Variants in GTF3C4 observed in about 807,000 individuals in gnomAD.
GTF3C4 encodes general transcription factor IIIC subunit 4.
Under a neutral mutation model 67.5 loss-of-function variants are expected in GTF3C4, and 28 were observed. The observed-to-expected ratio is 0.41, with a 90% confidence interval of 0.31 to 0.57. The LOEUF (loss-of-function observed/expected upper bound fraction) is 0.57. GTF3C4 is among the 20% of genes least tolerant of loss of function. The pLI is 0.21. For synonymous variants in GTF3C4, 409 were observed against 393.0 expected (o/e 1.04, Z -0.48); for missense variants, 831 against 1,033.2 (o/e 0.80, Z 2.68).
intron 1 of GTF3C4, among the ~76,000 whole-genome samples, chr9:132,674,091 C>T (rs1034046345): frequency 3.3e-5 from 5 of 152,184 alleles, no homozygotes; most frequent in Non-Finnish European, 7.4e-5. Flanking sequence ...TATTACCTGT[C>T]CTCAAGAAGC....
chr9:132,674,223 T>G (rs1483945730), intron 1 of GTF3C4, among the ~76,000 whole-genome samples: 1 of 152,218 alleles, frequency 6.6e-6, no homozygotes, highest in Non-Finnish European at 1.5e-5. Flanking sequence ...TGCACCAACC[T>G]AATAGTGGTC....
In GTF3C4 at chr9:132,670,821, G is replaced by T; in HGVS notation, c.223G>T (p.Asp75Tyr). ...SGLEPLAWSE[D>Y]HRVSVSTARS... Reference sequence around the variant, plus strand: ...CCTGGAACCGCTGGCTTGGTCCGAGGACCACCGCGTGTCTGTGTCCACGGC... The same window carrying T: ...CCTGGAACCGCTGGCTTGGTCCGAGTACCACCGCGTGTCTGTGTCCACGGC... The change falls in exon 1 of 5, where the codon GAC becomes TAC. Residue 75 changes from aspartate to tyrosine, a missense_variant. Asp to Tyr is a radical substitution (Grantham distance 160). Transcript: ENST00000372146. 6.2e-7 allele frequency: 1 copy of T among 1,607,552 alleles called. No homozygotes were observed.
chr9:132,675,429 T>C (rs941752153), intron 1 of GTF3C4, among the ~76,000 whole-genome samples: 1 of 152,204 alleles, frequency 6.6e-6, no homozygotes, highest in African/African-American at 2.4e-5. Flanking sequence ...GCAAGTTTCA[T>C]AGTGTATCCA....
At position 132,692,151 on chromosome 9, in the gene GTF3C4, CTCTCTTGCCTT is replaced by C. The variant is rs1383005563; in HGVS notation, c.*3209_*3219del. 2 of 152,206 alleles carry C rather than the reference CTCTCTTGCCTT, an allele frequency of 1.3e-5. No homozygotes were observed. The highest frequency in any genetic ancestry group is 2.9e-5 in the Non-Finnish European group (2 of 68,046). The allele number at this position is 152,206 out of a possible 1,614,324, so 9.4% of individuals were successfully genotyped here. On this transcript the variant is annotated 3_prime_UTR_variant, in exon 5 of 5. Coordinates refer to ENST00000372146, the MANE Select transcript of GTF3C4 (RefSeq NM_012204.4). ...TCCATCGTTTCTGCTCCTGACCTCT[CTCTCTTGCCTT>C]TCCTTCCCCCAGACACCCTCTTGGT...
In GTF3C4 at chr9:132,678,744, A is replaced by G; in HGVS notation, c.1125A>G (p.Lys375=). 2 of 1,613,916 alleles carry G rather than the reference A, an allele frequency of 1.2e-6. No homozygotes were observed. The highest frequency in any genetic ancestry group is 1.7e-6 in the Non-Finnish European group (2 of 1,179,764). The change falls in exon 2 of 5, where the codon AAA becomes AAG. Residue 375 remains lysine (K), a synonymous_variant. Coordinates refer to ENST00000372146, the MANE Select transcript of GTF3C4 (RefSeq NM_012204.4). This position sits in a 1 kb window ranked among gnomAD's most constrained non-coding sequence, Gnocchi z 6.5. ...EMDQLPVHSI[K]CVPLYHPYQK... ...ACCAGTTACCTGTGCACAGTATCAA[A>G]TGTGTGCCACTTTATCATCCTTACC...
At chr9:132,681,568 C>G (rs787472) in intron 2 of GTF3C4, among the ~76,000 whole-genome samples, 72,333 of 151,964 alleles carry the variant, frequency 0.48, 17,982 homozygotes, top group African/African-American at 0.61. Context: ...CACTCCCCCC[C>G]GAACATTTTT....
At position 132,689,454 on chromosome 9, in the gene GTF3C4, T is replaced by C. The variant is rs1414920489; in HGVS notation, c.*509T>C. 4 of 153,032 alleles carry C rather than the reference T, an allele frequency of 2.6e-5. No individual in the cohort carries two copies. The highest frequency in any genetic ancestry group is 9.6e-5 in the African/African-American group (4 of 41,466). 9.5% of individuals were successfully genotyped at this position (153,032 alleles called of 1,614,324 possible). On this transcript the variant is annotated 3_prime_UTR_variant, in exon 5 of 5. Coordinates refer to ENST00000372146, the MANE Select transcript of GTF3C4 (RefSeq NM_012204.4). ...TAAAGCAACACATGGGCTGATGTTT[T>C]GTTCTCAGAAAATAGCTGCTGGTCT...
chr9:132,671,405 G>A (rs530459258), intron 1 of GTF3C4, among the ~76,000 whole-genome samples: 2 of 152,240 alleles, frequency 1.3e-5, no homozygotes, highest in South Asian at 2.1e-4. Context: ...CTCCTCTCGC[G>A]CCTCTTTAGC....
rs780486394 is a variant in GTF3C4 at position 132,689,060 on chromosome 9, T to A, written c.*115T>A. On this transcript the variant is annotated 3_prime_UTR_variant, in exon 5 of 5. Coordinates refer to ENST00000372146, the MANE Select transcript of GTF3C4 (RefSeq NM_012204.4). Reference sequence around the variant, plus strand: ...CCGGACCCTCACGAGTGGAGAGAAGTCCTTGGTGATTGTAAAGAGGGCCCC... The same window carrying A: ...CCGGACCCTCACGAGTGGAGAGAAGACCTTGGTGATTGTAAAGAGGGCCCC... 1.2e-5 allele frequency: 9 copies of A among 749,958 alleles called. No individual in the cohort carries two copies. The East Asian group carries it at 1.8e-4, about 15-fold the overall frequency. The allele number at this position is 749,958 out of a possible 1,614,324, so 46.5% of individuals were successfully genotyped here.
Position 132,672,171 on chromosome 9 carries a change from A to G in GTF3C4, c.357+1216A>G, listed in dbSNP as rs532785573. ...AGATGCAACCCTATGAAATTGAGAA[A>G]TACAAAAGGAGGGAGGCAGAAGAAA... On this transcript the variant is annotated intron_variant, in intron 1 of 4. Coordinates refer to ENST00000372146, the MANE Select transcript of GTF3C4 (RefSeq NM_012204.4). 3.0e-4 allele frequency among the ~76,000 whole-genome samples: 45 copies of G among 152,362 alleles called. 1 individual carries two copies. In the South Asian group the frequency reaches 8.5e-3, roughly 29 times the overall value.
chr9:132,682,618 T>C (rs1020981240), intron 2 of GTF3C4, among the ~76,000 whole-genome samples: 8 of 147,714 alleles, frequency 5.4e-5, no homozygotes, highest in Admixed American at 2.0e-4. Flanking sequence ...TTTTTTTTTT[T>C]ACTGAGATGG....
Position 132,679,710 on chromosome 9 carries a change from G to A in GTF3C4, c.2091G>A (p.Leu697=), listed in dbSNP as rs989343416. Residue 697 remains leucine (L), a synonymous_variant, in exon 2 of 5, where the codon CTG becomes CTA. Transcript: ENST00000372146. This position sits in a 1 kb window ranked among gnomAD's most constrained non-coding sequence, Gnocchi z 5.9. Reference sequence around the variant, plus strand: ...AGCGAGTCTTAGGAGAAGTGTATCTGCACACCTGGATCACAGAAAACACTA... The same window carrying A: ...AGCGAGTCTTAGGAGAAGTGTATCTACACACCTGGATCACAGAAAACACTA... ...HMKRVLGEVY[L]HTWITENTSI... is the part of the protein sequence containing the mutation. 1.2e-6 allele frequency: 2 copies of A among 1,613,942 alleles called. No homozygotes were observed. Among genetic ancestry groups the A allele is most frequent in the Non-Finnish European group, 1.7e-6 (2 of 1,179,952 alleles).
rs1268571502 is a variant in GTF3C4 at position 132,692,539 on chromosome 9, AAAGT to A, written c.*3600_*3603del. On this transcript the variant is annotated 3_prime_UTR_variant, in exon 5 of 5. Coordinates refer to ENST00000372146, the MANE Select transcript of GTF3C4 (RefSeq NM_012204.4). ...AAGCTAAGCTGAATGGGTTATATTC[AAAGT>A]AAGTACAGACGGCAAATAGGCAGAC... is the stretch of plus-strand genomic sequence containing the variant. 6.6e-6 allele frequency: 1 copy of A among 152,230 alleles called. No individual in the cohort carries two copies. Among genetic ancestry groups the A allele is most frequent in the African/African-American group, 2.4e-5 (1 of 41,452 alleles). 9.4% of individuals were successfully genotyped at this position (152,230 alleles called of 1,614,324 possible). A position where few individuals can be genotyped will look rare whatever the true frequency, so the allele number is the denominator to read the frequency against.
At position 132,670,830 on chromosome 9, in the gene GTF3C4, G is replaced by A; in HGVS notation, c.232G>A (p.Val78Met). 1 of 1,609,330 alleles carries A rather than the reference G, an allele frequency of 6.2e-7. No homozygotes were observed. The highest frequency in any genetic ancestry group is 8.5e-7 in the Non-Finnish European group (1 of 1,179,410). ...GCTGGCTTGGTCCGAGGACCACCGC[G>A]TGTCTGTGTCCACGGCCCGCAGCAT... ...EPLAWSEDHR[V>M]SVSTARSIAV... Residue 78 changes from valine (V) to methionine (M), a missense_variant, in exon 1 of 5, where the codon GTG becomes ATG. By Grantham distance (21) the Val-to-Met change is conservative (BLOSUM62 1). Around this residue, in one of 4 missense-constraint regions of GTF3C4, gnomAD observed 237 missense variants for 212.7 expected, o/e 1.11. Transcript: ENST00000372146.
intron 4 of GTF3C4, 76 bp from the exon 5 acceptor site, chr9:132,688,805 C>T (rs1836068716): frequency 9.3e-7 from 1 of 1,071,692 alleles, no homozygotes; most frequent in Non-Finnish European, 1.5e-6. Flanking sequence ...TCTCTCAACG[C>T]TACAGTCCGG....
At chr9:132,681,480 G>A (rs1835942977) in intron 2 of GTF3C4, among the ~76,000 whole-genome samples, 1 of 152,164 alleles carries the variant, frequency 6.6e-6, no homozygotes, top group Non-Finnish European at 1.5e-5. Flanking sequence ...CTTATTAGCA[G>A]TTATAAATTA....
Position 132,670,545 on chromosome 9 carries a change from G to A in GTF3C4, c.-54G>A, listed in dbSNP as rs1835697248. On this transcript the variant is annotated 5_prime_UTR_variant, in exon 1 of 5. Coordinates refer to ENST00000372146, the MANE Select transcript of GTF3C4 (RefSeq NM_012204.4). ...GGGTGGCGGCGGCGGTCCGGGAGGTGGTCGCGCGACTGCGTGGAGCGCCAG... is the reference window on the plus strand; with the variant it reads ...GGGTGGCGGCGGCGGTCCGGGAGGTAGTCGCGCGACTGCGTGGAGCGCCAG... 5.4e-6 allele frequency: 7 copies of A among 1,293,566 alleles called. No homozygotes were observed. Among genetic ancestry groups the A allele is most frequent in the Admixed American group, 6.8e-5 (2 of 29,250 alleles). The allele number at this position is 1,293,566 out of a possible 1,614,324, so 80.1% of individuals were successfully genotyped here.
rs185360301 is a variant in GTF3C4, at chr9:132,671,008, C to G, written c.357+53C>G. 993 of 1,233,474 alleles carry G rather than the reference C, an allele frequency of 8.1e-4. 11 individuals are homozygous for G. The African/African-American group carries it at 0.013, about 16-fold the overall frequency. 76.4% of individuals were successfully genotyped at this position (1,233,474 alleles called of 1,614,324 possible). The stretch of plus-strand genomic sequence containing the variant: ...TCTTCCCCTGTCCCCCTCTCGCGGC[C>G]GCATCATCCGTCCCAGGGGAATCCG... On this transcript the variant is annotated intron_variant, in intron 1 of 4. Transcript: ENST00000372146.
intron 1 of GTF3C4, 40 bp downstream of exon 1, chr9:132,670,995 C>G (rs370946293): frequency 2.2e-6 from 3 of 1,384,288 alleles, no homozygotes; most frequent in Admixed American, 1.7e-5. Flanking sequence ...TTCCCCTGTC[C>G]CCCTCTCGCG....
Sources: allele counts gnomAD v4.1 joint callset (sites outside exome capture counted in the v4.1 genomes callset), GRCh38; gene constraint gnomAD v4.1.1; regional missense constraint gnomAD v4.1.1; non-coding constraint Gnocchi (gnomAD v3.1); transcripts MANE v1.5; gene names NCBI Gene and HGNC (gene_info 2026-07-23, HGNC 2026-07-21).